FAM117A: variants seen among roughly 807,000 people sequenced by gnomAD.
FAM117A encodes the protein family with sequence similarity 117 member A.
A neutral mutation model predicts 44.1 loss-of-function variants in FAM117A; 21 were observed. The ratio of observed to expected loss-of-function variants is 0.48; its 90% confidence interval spans 0.34 to 0.69. The LOEUF is 0.69. Among genes scored for constraint, FAM117A ranks in the 30% least tolerant of loss-of-function variants. FAM117A has a pLI of 0.01. For synonymous variants in FAM117A, 220 were observed against 238.3 expected (o/e 0.92, Z 0.71); for missense variants, 498 against 589.9 (o/e 0.84, Z 1.61).
At chr17:49,717,784 A>G in intron 5 of FAM117A, 70 bp from the exon 6 acceptor site, 7 of 1,300,352 alleles carry the variant, frequency 5.4e-6, no homozygotes, top group Non-Finnish European at 6.4e-6. Context: ...AGTGACCCCA[A>G]GGGTATTTCC....
At chr17:49,728,194 C>G (rs1020506198) in intron 2 of FAM117A, among the ~76,000 whole-genome samples, 1 of 152,176 alleles carries the variant, frequency 6.6e-6, no homozygotes, top group Admixed American at 6.5e-5. Context: ...AGGCAGTGTG[C>G]CCAGGCCCCC....
At chr17:49,738,300 T>G (rs2073619171) in intron 1 of FAM117A, among the ~76,000 whole-genome samples, 2 of 152,182 alleles carry the variant, frequency 1.3e-5, no homozygotes, top group African/African-American at 4.8e-5. Flanking sequence ...TGGTAAACTC[T>G]ACATTCTTTC....
intron 1 of FAM117A, among the ~76,000 whole-genome samples, chr17:49,782,151 G>A (rs575624901): frequency 1.7e-4 from 26 of 151,656 alleles, no homozygotes; most frequent in African/African-American, 4.8e-4. Flanking sequence ...CGAGGTGGGC[G>A]GATCACGAGG....
chr17:49,724,755 A>C (rs2143715898), intron 2 of FAM117A, among the ~76,000 whole-genome samples: 1 of 145,900 alleles, frequency 6.9e-6, no homozygotes, highest in Non-Finnish European at 1.5e-5. Flanking sequence ...CAAGAGGTAG[A>C]GGTTGCAGTG....
chr17:49,764,498 G>A (rs986647085), upstream of FAM117A, among the ~76,000 whole-genome samples: 8 of 152,166 alleles, frequency 5.3e-5, no homozygotes, highest in African/African-American at 1.4e-4. Flanking sequence ...AGTGGGCGCG[G>A]CGCTGGGTGT....
intron 1 of FAM117A, among the ~76,000 whole-genome samples, chr17:49,771,696 C>T (rs2073761410): frequency 6.6e-6 from 1 of 152,212 alleles, no homozygotes; most frequent in Admixed American, 6.5e-5. Flanking sequence ...TTAGCAGGAA[C>T]AGTCTGCATC....
At chr17:49,748,614 C>T (rs2073662950) in intron 1 of FAM117A, among the ~76,000 whole-genome samples, 1 of 151,894 alleles carries the variant, frequency 6.6e-6, no homozygotes, top group African/African-American at 2.4e-5. Context: ...ACTAGCTGGG[C>T]CCCTGAAAAA....
chr17:49,772,986 A>G (rs1003039301), intron 1 of FAM117A, among the ~76,000 whole-genome samples: 1 of 152,034 alleles, frequency 6.6e-6, no homozygotes, highest in Non-Finnish European at 1.5e-5. Flanking sequence ...CCTGACCAAC[A>G]TGGTGAAACC....
chr17:49,772,559 G>A (rs1409142115), intron 1 of FAM117A, among the ~76,000 whole-genome samples: 1 of 151,916 alleles, frequency 6.6e-6, no homozygotes, highest in South Asian at 2.1e-4. Flanking sequence ...AGACCATCCT[G>A]GCTAACACGG....
intron 4 of FAM117A, 98 bp downstream of exon 4, chr17:49,720,227 AG>A: frequency 1.1e-6 from 1 of 925,484 alleles, no homozygotes; most frequent in Non-Finnish European, 1.7e-6. Context: ...GCAGTGTGGT[AG>A]GGGGCTCGGC....
intron 1 of FAM117A, among the ~76,000 whole-genome samples, chr17:49,776,213 G>A (rs1236626986): frequency 1.3e-5 from 2 of 152,200 alleles, no homozygotes; most frequent in Non-Finnish European, 2.9e-5. Flanking sequence ...TGATCCTCAT[G>A]ACTACCCTAT....
chr17:49,718,406 C>T (rs2073515387), intron 5 of FAM117A, among the ~76,000 whole-genome samples: 2 of 152,208 alleles, frequency 1.3e-5, no homozygotes, highest in South Asian at 4.1e-4. Flanking sequence ...CAGTGGCTCA[C>T]GCCTGTAATC....
intron 1 of FAM117A, among the ~76,000 whole-genome samples, chr17:49,783,912 AGAG>A (rs2073797562): frequency 6.6e-6 from 1 of 152,218 alleles, no homozygotes; most frequent in Admixed American, 6.5e-5. Context: ...AAAGAGGCTT[AGAG>A]GAGAGAGCAT....
chr17:49,781,788 G>T (rs1469196848), intron 1 of FAM117A, among the ~76,000 whole-genome samples: 2 of 152,044 alleles, frequency 1.3e-5, no homozygotes, highest in African/African-American at 4.8e-5. Context: ...ACCAGCCTAG[G>T]TAACATAGTG....
chr17:49,758,326 G>A (rs1398881381), intron 1 of FAM117A, among the ~76,000 whole-genome samples: 2 of 146,902 alleles, frequency 1.4e-5, no homozygotes, highest in South Asian at 2.2e-4. Context: ...GTGAGAGTCC[G>A]TCTCCAAAAA....
At chr17:49,744,433 C>T (rs1888687286) in intron 1 of FAM117A, among the ~76,000 whole-genome samples, 1 of 151,974 alleles carries the variant, frequency 6.6e-6, no homozygotes, top group South Asian at 2.1e-4. Flanking sequence ...GCATGACCCA[C>T]CTCAGCCTCC....
chr17:49,777,619 C>T (rs1186170729), intron 1 of FAM117A, among the ~76,000 whole-genome samples: 1 of 151,988 alleles, frequency 6.6e-6, no homozygotes, highest in Non-Finnish European at 1.5e-5. Context: ...TTTGAACCCT[C>T]CATGGCTCCA....
chr17:49,754,308 CT>C (rs749158188), intron 1 of FAM117A, among the ~76,000 whole-genome samples: 166 of 144,458 alleles, frequency 1.1e-3, no homozygotes, highest in Admixed American at 1.8e-3. Context: ...ACAGCAAACT[CT>C]TTTTTTTTTT....
intron 1 of FAM117A, among the ~76,000 whole-genome samples, chr17:49,750,393 T>C (rs955025685): frequency 6.7e-6 from 1 of 148,898 alleles, no homozygotes; most frequent in African/African-American, 2.4e-5. Flanking sequence ...GAAGGAGGCA[T>C]GCTATTTGGT....
Sources: allele counts gnomAD v4.1 joint callset (sites outside exome capture counted in the v4.1 genomes callset), GRCh38; gene constraint gnomAD v4.1.1; transcripts MANE v1.5; gene names NCBI Gene and HGNC (gene_info 2026-07-23, HGNC 2026-07-21).